The following SEC11A variants were observed in gnomAD, a reference collection of about 807,000 sequenced individuals.
The protein encoded by SEC11A is SEC11 homolog A, signal peptidase complex subunit, also known as signal peptidase complex catalytic subunit SEC11A.
SEC11A carries 14 observed loss-of-function variants against 25.6 expected under a neutral mutation model. The ratio of observed to expected loss-of-function variants is 0.55; its 90% CI spans 0.36 to 0.85. SEC11A has a LOEUF of 0.85. SEC11A is among the 40% of genes least tolerant of loss of function. The pLI is 0.01. For missense variants in SEC11A, 153 were observed against 222.9 expected, an observed-to-expected ratio of 0.69 and a Z score of 2.00; for synonymous variants, 83 against 76.4, an observed-to-expected ratio of 1.09 and a Z score of -0.45.
At chr15:84,695,547 C>A (rs113115311) in intron 1 of SEC11A, among the ~76,000 whole-genome samples, 11,058 of 152,156 alleles carry the variant, frequency 0.073, 415 homozygotes, top group East Asian at 0.12. Flanking sequence ...AGGAGAATCA[C>A]TTGAACCCAG....
At chr15:84,711,131 CCAG>C (rs1898251347) in intron 1 of SEC11A, among the ~76,000 whole-genome samples, 1 of 151,020 alleles carries the variant, frequency 6.6e-6, no homozygotes, top group African/African-American at 2.4e-5. Flanking sequence ...ATATTCAATC[CCAG>C]CTCTTTGGGA....
chr15:84,706,493 T>C (rs1385676354), intron 1 of SEC11A, among the ~76,000 whole-genome samples: 3 of 152,006 alleles, frequency 2.0e-5, no homozygotes, highest in Non-Finnish European at 4.4e-5. Flanking sequence ...AACAACCCAA[T>C]TCAGGTAGGA....
At chr15:84,702,620 C>G (rs1032511688) in intron 1 of SEC11A, among the ~76,000 whole-genome samples, 2 of 152,054 alleles carry the variant, frequency 1.3e-5, no homozygotes, top group Non-Finnish European at 2.9e-5. Flanking sequence ...TATATTTATA[C>G]CAATATATTA....
chr15:84,694,892 C>T (rs1379761645), intron 1 of SEC11A, among the ~76,000 whole-genome samples: 1 of 150,244 alleles, frequency 6.7e-6, no homozygotes, highest in African/African-American at 2.5e-5. Flanking sequence ...GAGTTTAAGA[C>T]CAGCCTGGCC....
intron 4 of SEC11A, among the ~76,000 whole-genome samples, chr15:84,676,360 G>A (rs917975909): frequency 1.3e-5 from 2 of 152,038 alleles, no homozygotes; most frequent in African/African-American, 4.8e-5. Context: ...CAGCTAATTG[G>A]GAGGCTGAGG....
chr15:84,711,416 A>C (rs947205548), intron 1 of SEC11A, among the ~76,000 whole-genome samples: 13 of 151,980 alleles, frequency 8.6e-5, no homozygotes, highest in South Asian at 2.1e-4. Flanking sequence ...AAAAAAAAAA[A>C]CAAACCTCTC....
intron 4 of SEC11A, among the ~76,000 whole-genome samples, chr15:84,676,560 T>C (rs1897139749): frequency 1.3e-5 from 2 of 149,004 alleles, no homozygotes; most frequent in Admixed American, 6.7e-5. Flanking sequence ...GATCACCTGA[T>C]GTCAGGAGTT....
At position 84,669,892 on chromosome 15, in the gene SEC11A, C is replaced by A; in HGVS notation, c.*127G>T. ...TCTGGCATGGAAACATAAACTAATG[C>A]AAACCAGTGCTACCCAGAAGCACCA... On this transcript the variant is annotated 3_prime_UTR_variant, in exon 6 of 6. Transcript: ENST00000268220. 1 of 1,551,216 alleles carries A rather than the reference C, an allele frequency of 6.4e-7. No homozygotes were observed. Among genetic ancestry groups the A allele is most frequent in the Non-Finnish European group, 8.7e-7 (1 of 1,145,446 alleles).
intron 1 of SEC11A, among the ~76,000 whole-genome samples, chr15:84,699,380 G>A (rs1897860238): frequency 6.6e-6 from 1 of 150,912 alleles, no homozygotes; most frequent in African/African-American, 2.4e-5. Flanking sequence ...GCCAAAATGA[G>A]TTAAAGAGAC....
intron 1 of SEC11A, among the ~76,000 whole-genome samples, chr15:84,696,980 C>T (rs958368856): frequency 1.4e-5 from 2 of 147,510 alleles, no homozygotes; most frequent in East Asian, 2.0e-4. Context: ...CCCAGGAGTT[C>T]GAGTTCAGCC....
At chr15:84,676,664 T>C (rs1290813730) in intron 4 of SEC11A, among the ~76,000 whole-genome samples, 2 of 151,242 alleles carry the variant, frequency 1.3e-5, no homozygotes, top group Non-Finnish European at 2.9e-5. Context: ...CAGGAAGCTG[T>C]AATCCCAGCT....
intron 1 of SEC11A, among the ~76,000 whole-genome samples, chr15:84,713,805 A>C (rs1369639539): frequency 6.6e-6 from 1 of 152,044 alleles, no homozygotes; most frequent in East Asian, 1.9e-4. Context: ...TGATTATTGG[A>C]ATGCTAACCA....
intron 4 of SEC11A, chr15:84,672,983 C>T (rs896501307): frequency 1.4e-4 from 31 of 228,174 alleles, no homozygotes; most frequent in Admixed American, 1.7e-4. Flanking sequence ...AGACCCTCTG[C>T]CTGGCAACCG....
intron 1 of SEC11A, chr15:84,714,615 G>C (rs574633686): frequency 6.6e-6 from 1 of 152,318 alleles, no homozygotes; most frequent in Admixed American, 6.5e-5. Flanking sequence ...GTAAGTAGCA[G>C]AGCTACTTCA....
intron 4 of SEC11A, among the ~76,000 whole-genome samples, chr15:84,677,807 T>C (rs904528340): frequency 5.3e-5 from 8 of 152,116 alleles, no homozygotes; most frequent in Admixed American, 5.2e-4. Flanking sequence ...GAAGACAAGT[T>C]GAGTGAAAGC....
chr15:84,708,731 T>A (rs1479628793), intron 1 of SEC11A, among the ~76,000 whole-genome samples: 4 of 151,636 alleles, frequency 2.6e-5, no homozygotes, highest in Non-Finnish European at 5.9e-5. Context: ...GAGACTGCAG[T>A]GAGCTGTAAT....
chr15:84,709,995 G>A (rs1898212833), intron 1 of SEC11A, among the ~76,000 whole-genome samples: 1 of 151,790 alleles, frequency 6.6e-6, no homozygotes, highest in Non-Finnish European at 1.5e-5. Flanking sequence ...CATCCATCTC[G>A]GCCTCCACCA....
At chr15:84,671,015 T>G (rs1281553297) in intron 4 of SEC11A, 1 of 341,082 alleles carries the variant, frequency 2.9e-6, no homozygotes, top group African/African-American at 2.1e-5. Context: ...ATGGTTTCTG[T>G]GTGGCAGAAC....
intron 1 of SEC11A, among the ~76,000 whole-genome samples, chr15:84,700,029 A>G (rs1221388360): frequency 6.6e-6 from 1 of 151,964 alleles, no homozygotes; most frequent in Non-Finnish European, 1.5e-5. Flanking sequence ...TTAGCCACAG[A>G]CTAAAGGCCG....
Sources: gnomAD v4.1 joint callset for allele counts (sites outside exome capture counted in the v4.1 genomes callset) on GRCh38, gnomAD v4.1.1 for gene constraint, MANE v1.5 for transcripts, NCBI Gene and HGNC (gene_info 2026-07-23, HGNC 2026-07-21) for gene names.